Variants in ST8SIA5 observed in about 807,000 individuals in gnomAD.
The protein encoded by ST8SIA5 is alpha-2,8-sialyltransferase 8E.
A neutral mutation model predicts 40.2 loss-of-function variants in ST8SIA5; 24 were observed. That is an observed-to-expected ratio of 0.60 (90% confidence interval 0.43 to 0.84). The LOEUF (loss-of-function observed/expected upper bound fraction) is 0.84. ST8SIA5 is among the 40% of genes least tolerant of loss of function. The pLI is 0.00. For synonymous variants in ST8SIA5, 198 were observed against 201.8 expected, an observed-to-expected ratio of 0.98 and a Z score of 0.16; for missense variants, 465 against 498.5, an observed-to-expected ratio of 0.93 and a Z score of 0.64.
chr18:46,674,539 G>A lies in ST8SIA5; in HGVS notation c.*5503C>T, dbSNP rs1422441886. Reference sequence around the variant, plus strand: ...AACTGCTGGAGTCCCCCAGGAACCAGAGACCTCATTACTGTAGTAAACATG... The same window carrying A: ...AACTGCTGGAGTCCCCCAGGAACCAAAGACCTCATTACTGTAGTAAACATG... On this transcript the variant is annotated 3_prime_UTR_variant, in exon 7 of 7. Transcript: ENST00000315087. 6.6e-6 allele frequency: 1 copy of A among 152,280 alleles called. No individual in the cohort carries two copies. Among genetic ancestry groups the A allele is most frequent in the African/African-American group, 2.4e-5 (1 of 41,476 alleles). The allele number at this position is 152,280 out of a possible 1,614,324, so 9.4% of individuals were successfully genotyped here.
chr18:46,744,830 G>C (rs2040122908), intron 1 of ST8SIA5, among the ~76,000 whole-genome samples: 1 of 152,178 alleles, frequency 6.6e-6, no homozygotes, highest in Admixed American at 6.5e-5. Context: ...GCACTCCTCA[G>C]CAAATGTAAA....
At chr18:46,681,913 C>T (rs2039400002) in intron 6 of ST8SIA5, 59 bp downstream of exon 6, 19 of 1,563,890 alleles carry the variant, frequency 1.2e-5, no homozygotes, top group East Asian at 4.5e-5. Flanking sequence ...GCCCAGTAGC[C>T]GCATGTGACT....
At chr18:46,755,355 A>G (rs1420808186) in intron 1 of ST8SIA5, among the ~76,000 whole-genome samples, 1 of 152,182 alleles carries the variant, frequency 6.6e-6, no homozygotes, top group Non-Finnish European at 1.5e-5. Flanking sequence ...TTACTTAGCT[A>G]GAGAGACATT....
At chr18:46,735,903 A>G (rs957129314) in intron 1 of ST8SIA5, among the ~76,000 whole-genome samples, 2 of 152,114 alleles carry the variant, frequency 1.3e-5, no homozygotes, top group Non-Finnish European at 2.9e-5. Flanking sequence ...ATGAGCCACC[A>G]TGTCTGGACA....
At chr18:46,712,028 T>TG (rs949119275) in intron 1 of ST8SIA5, among the ~76,000 whole-genome samples, 5 of 152,150 alleles carry the variant, frequency 3.3e-5, no homozygotes, top group Non-Finnish European at 5.9e-5. Context: ...TGGCACAGGG[T>TG]GGGGGTTGGG....
At chr18:46,715,881 C>T (rs143722557) in intron 1 of ST8SIA5, among the ~76,000 whole-genome samples, 3 of 152,084 alleles carry the variant, frequency 2.0e-5, no homozygotes, top group African/African-American at 7.3e-5. Context: ...AGCAACTGTG[C>T]CTGACCAGAA....
Position 46,678,698 on chromosome 18 carries a change from G to C in ST8SIA5, c.*1344C>G, listed in dbSNP as rs2039356482. The C allele has an allele frequency of 6.6e-6, 1 of 152,628 alleles. No homozygotes were observed. Among genetic ancestry groups the C allele is most frequent in the Middle Eastern group, 2.7e-3 (1 of 366 alleles). The allele number at this position is 152,628 out of a possible 1,614,324, so 9.5% of individuals were successfully genotyped here. ...GAAAGGGGAGGAGGCAGGGAGAAAGGAAGGAGGGAGGGAGACAGGTTGCCA... is the reference window on the plus strand; with the variant it reads ...GAAAGGGGAGGAGGCAGGGAGAAAGCAAGGAGGGAGGGAGACAGGTTGCCA... On this transcript the variant is annotated 3_prime_UTR_variant, in exon 7 of 7. Transcript: ENST00000315087.
In ST8SIA5 at chr18:46,748,159, A is replaced by G. The variant is rs770434855; in HGVS notation, c.131+8219T>C. On this transcript the variant is annotated intron_variant, in intron 1 of 6. Transcript: ENST00000315087. The stretch of plus-strand genomic sequence containing the variant: ...TGGGTGCAGCAAACCAACATGGCAC[A>G]TGTATACATATGTAACAAACCTGCA... 5.3e-5 allele frequency among the ~76,000 whole-genome samples: 8 copies of G among 152,334 alleles called. No individual in the cohort carries two copies. In the Middle Eastern group the frequency reaches 0.01, roughly 194 times the overall value.
At chr18:46,756,334 C>G in intron 1 of ST8SIA5, 44 bp downstream of exon 1, 1 of 1,599,858 alleles carries the variant, frequency 6.3e-7, no homozygotes, top group Non-Finnish European at 8.5e-7. Context: ...CGGGGGCTCG[C>G]CGGCCGGCTC....
rs980973731 is a variant in ST8SIA5 at position 46,723,043 on chromosome 18, G to T, written c.132-18379C>A. 2.0e-5 allele frequency: 3 copies of T among 152,392 alleles called. No individual in the cohort carries two copies. The East Asian group carries it at 5.8e-4, about 29-fold the overall frequency. 9.4% of individuals were successfully genotyped at this position (152,392 alleles called of 1,614,324 possible). The stretch of plus-strand genomic sequence containing the variant: ...GGAAATGCTCCACCAGCAACCATTG[G>T]TGCCGAGGACCATGGGTCCATGCAA... On this transcript the variant is annotated intron_variant, in intron 1 of 6. Transcript: ENST00000315087.
At position 46,694,231 on chromosome 18, in the gene ST8SIA5, T is replaced by G. The variant is rs2039534239; in HGVS notation, c.225-1976A>C. Reference sequence around the variant, plus strand: ...TTGGCAAAGAATTATGCATCTTTTTTTTTGTTTGTTTTTTAAGGTGGATCC... The same window carrying G: ...TTGGCAAAGAATTATGCATCTTTTTGTTTGTTTGTTTTTTAAGGTGGATCC... On this transcript the variant is annotated intron_variant, in intron 2 of 6. Transcript: ENST00000315087. Among the ~76,000 whole-genome samples the G allele has an allele frequency of 5.3e-5, 8 of 152,300 alleles. 1 individual carries two copies. The South Asian group carries it at 1.7e-3, about 32-fold the overall frequency.
At position 46,679,720 on chromosome 18, in the gene ST8SIA5, G is replaced by A. The variant is rs1226848063; in HGVS notation, c.*322C>T. The A allele has an allele frequency of 2.7e-6, 1 of 364,600 alleles. No homozygotes were observed. The highest frequency in any genetic ancestry group is 5.1e-6 in the Non-Finnish European group (1 of 197,674). 22.6% of individuals were successfully genotyped at this position (364,600 alleles called of 1,614,324 possible). The stretch of plus-strand genomic sequence containing the variant: ...GCTCTCTCTCGGATGACAAAATTGG[G>A]TGGAAATGTGCTTTATTCACTTGCC... On this transcript the variant is annotated 3_prime_UTR_variant, in exon 7 of 7. Coordinates refer to ENST00000315087, the MANE Select transcript of ST8SIA5 (RefSeq NM_013305.6).
At chr18:46,700,307 A>G (rs922204731) in intron 2 of ST8SIA5, among the ~76,000 whole-genome samples, 1 of 152,210 alleles carries the variant, frequency 6.6e-6, no homozygotes, top group Non-Finnish European at 1.5e-5. Context: ...GTCTCCTCAA[A>G]CAAAACACCA....
chr18:46,682,500 G>A (rs555533292), intron 5 of ST8SIA5, among the ~76,000 whole-genome samples: 14 of 152,308 alleles, frequency 9.2e-5, no homozygotes, highest in Middle Eastern at 3.4e-3. Context: ...ATAAACATGC[G>A]ATATGTTCGA....
chr18:46,671,831 G>A lies in ST8SIA5; in HGVS notation c.*8211C>T, dbSNP rs763791406. 1.1e-4 allele frequency: 17 copies of A among 152,266 alleles called. No individual in the cohort carries two copies. The highest frequency in any genetic ancestry group is 2.1e-4 in the South Asian group (1 of 4,816). 9.4% of individuals were successfully genotyped at this position (152,266 alleles called of 1,614,324 possible). ...GCCTGAGTCAGACTGAGGGAAGGAA[G>A]GGTCCACCAACCCCCAACCAGGAAA... On this transcript the variant is annotated 3_prime_UTR_variant, in exon 7 of 7. Coordinates refer to ENST00000315087, the MANE Select transcript of ST8SIA5 (RefSeq NM_013305.6).
At chr18:46,710,218 A>C (rs946924839) in intron 1 of ST8SIA5, among the ~76,000 whole-genome samples, 1 of 152,118 alleles carries the variant, frequency 6.6e-6, no homozygotes, top group African/African-American at 2.4e-5. Flanking sequence ...GCCCTCCACT[A>C]AGTGAGAAGA....
intron 1 of ST8SIA5, among the ~76,000 whole-genome samples, chr18:46,733,604 G>C (rs377357049): frequency 2.5e-4 from 38 of 152,256 alleles, no homozygotes; most frequent in African/African-American, 8.7e-4. Flanking sequence ...GAGAAATAAA[G>C]GGAGGAAAGG....
intron 2 of ST8SIA5, among the ~76,000 whole-genome samples, chr18:46,701,130 C>CTTT (rs755571106): frequency 0.025 from 1,168 of 45,818 alleles, 218 homozygotes; most frequent in Middle Eastern, 0.053. Flanking sequence ...GAGATAGGGC[C>CTTT]TTTTTTTTTT....
At chr18:46,703,648 G>A (rs1210115409) in intron 2 of ST8SIA5, among the ~76,000 whole-genome samples, 2 of 152,072 alleles carry the variant, frequency 1.3e-5, no homozygotes, top group African/African-American at 4.8e-5. Flanking sequence ...CTGCCTGAGG[G>A]CCAGGGACCC....
Sources: gnomAD v4.1 joint callset for allele counts (sites outside exome capture counted in the v4.1 genomes callset) on GRCh38, gnomAD v4.1.1 for gene constraint, MANE v1.5 for transcripts, NCBI Gene and HGNC (gene_info 2026-07-23, HGNC 2026-07-21) for gene names.